PRMT7: variants seen among roughly 807,000 people sequenced by gnomAD.
PRMT7 encodes protein arginine N-methyltransferase 7.
In PRMT7, 75 loss-of-function variants were observed where a neutral mutation model predicts 85.4. The observed-to-expected ratio is 0.88, with a 90% CI of 0.73 to 1.06. PRMT7 has a LOEUF of 1.06. PRMT7 is among the 50% of genes least tolerant of loss of function. The probability of loss-of-function intolerance (pLI) is 0.00; values close to 1 mark genes in which losing one functional copy is unlikely to be tolerated. For synonymous variants in PRMT7, 397 were observed against 359.5 expected (o/e 1.10, Z -1.18); for missense variants, 868 against 915.2 (o/e 0.95, Z 0.67).
At chr16:68,316,276 A>G (rs1267849762) in intron 3 of PRMT7, among the ~76,000 whole-genome samples, 1 of 152,192 alleles carries the variant, frequency 6.6e-6, no homozygotes, top group Non-Finnish European at 1.5e-5. Flanking sequence ...AGAGTCAGAC[A>G]TTATGTAGCA....
At chr16:68,344,933 T>TAC (rs368385265) in intron 9 of PRMT7, among the ~76,000 whole-genome samples, 4,702 of 131,154 alleles carry the variant, frequency 0.036, 125 homozygotes, top group Admixed American at 0.082. Flanking sequence ...CCTGCATCTC[T>TAC]ACACACACAC....
chr16:68,329,561 T>G (rs1166511746), intron 6 of PRMT7: 1 of 160,608 alleles, frequency 6.2e-6, no homozygotes, highest in Non-Finnish European at 1.4e-5. Flanking sequence ...AGAAAGTACT[T>G]AGTTCTTTTA....
intron 9 of PRMT7, among the ~76,000 whole-genome samples, chr16:68,344,127 A>G (rs554322517): frequency 2.6e-5 from 4 of 152,138 alleles, no homozygotes; most frequent in African/African-American, 9.7e-5. Context: ...GCCACTATGC[A>G]TGGCTAATCT....
At chr16:68,318,446 G>A (rs996445048) in intron 3 of PRMT7, among the ~76,000 whole-genome samples, 3 of 152,170 alleles carry the variant, frequency 2.0e-5, no homozygotes, top group Admixed American at 6.6e-5. Context: ...TGATCCGCCC[G>A]CCTCGGCCTC....
chr16:68,331,244 G>A (rs1259904940), intron 6 of PRMT7, among the ~76,000 whole-genome samples: 1 of 151,976 alleles, frequency 6.6e-6, no homozygotes, highest in Non-Finnish European at 1.5e-5. Flanking sequence ...ATAGCGTGAT[G>A]CTGGTAAGAT....
chr16:68,347,297 A>G lies in PRMT7; in HGVS notation c.1275+3A>G. 6.5e-7 allele frequency: 1 copy of G among 1,532,648 alleles called. No individual in the cohort carries two copies. Among genetic ancestry groups the G allele is most frequent in the Non-Finnish European group, 8.8e-7 (1 of 1,134,890 alleles). 94.9% of individuals were successfully genotyped at this position (1,532,648 alleles called of 1,614,324 possible). A position where few individuals can be genotyped will look rare whatever the true frequency, so the allele number is the denominator to read the frequency against. ...CCCATCACCTGGGGGTGGAGCAGGT[A>G]CTGACATGCACCCTTGTCAGCCTCC... On this transcript the variant is annotated splice_donor_region_variant and intron_variant, in intron 12 of 18. Coordinates refer to ENST00000441236, the MANE Select transcript of PRMT7 (RefSeq NM_019023.5).
chr16:68,339,448 G>T lies in PRMT7; in HGVS notation c.631G>T (p.Val211Phe). 2 of 1,614,182 alleles carry T rather than the reference G, an allele frequency of 1.2e-6. No homozygotes were observed. Among genetic ancestry groups the T allele is most frequent in the Non-Finnish European group, 1.7e-6 (2 of 1,180,034 alleles). ...GACCAGCCTCGGAGAGCAGGTCATC[G>T]TCCCTCCCGTTGACGTGGAGAGCTG... is the stretch of plus-strand genomic sequence containing the variant. ...VQTSLGEQVI[V>F]PPVDVESCPG... The change falls in exon 8 of 19, where the codon GTC (valine) becomes TTC (phenylalanine). Residue 211 changes from valine (V) to phenylalanine (F), a missense_variant. Coordinates refer to ENST00000441236, the MANE Select transcript of PRMT7 (RefSeq NM_019023.5).
downstream of PRMT7, chr16:68,358,947 G>T (rs777385839): frequency 1.3e-3 from 192 of 152,694 alleles, no homozygotes; most frequent in Non-Finnish European, 1.6e-3. Context: ...GGAGGTGTGC[G>T]GGGGCCTGGG....
intron 6 of PRMT7, among the ~76,000 whole-genome samples, chr16:68,330,117 C>T (rs1235645152): frequency 6.6e-6 from 1 of 152,064 alleles, no homozygotes; most frequent in African/African-American, 2.4e-5. Context: ...TGGTCTTGAA[C>T]CCCTGACCTC....
At chr16:68,345,872 C>A in intron 10 of PRMT7, 70 bp downstream of exon 10, 1 of 1,592,760 alleles carries the variant, frequency 6.3e-7, no homozygotes, top group Non-Finnish European at 8.6e-7. Context: ...ATTTACAGAT[C>A]CTCTGGAGGT....
intron 2 of PRMT7, 90 bp from the exon 3 acceptor site, chr16:68,315,807 C>T (rs2044664943): frequency 2.1e-5 from 13 of 626,994 alleles, no homozygotes; most frequent in Non-Finnish European, 3.5e-5. Flanking sequence ...CTCCCCTTCC[C>T]CCCTCCACAT....
chr16:68,334,691 C>T (rs2084394136), intron 6 of PRMT7, among the ~76,000 whole-genome samples: 1 of 152,198 alleles, frequency 6.6e-6, no homozygotes, highest in South Asian at 2.1e-4. Flanking sequence ...CTGCTTCAGA[C>T]TCCCCCACCC....
intron 6 of PRMT7, among the ~76,000 whole-genome samples, chr16:68,331,247 G>A (rs1055220899): frequency 1.3e-5 from 2 of 151,850 alleles, no homozygotes; most frequent in African/African-American, 4.8e-5. Flanking sequence ...GCGTGATGCT[G>A]GTAAGATTCT....
At chr16:68,325,349 A>G (rs543368321) in intron 5 of PRMT7, among the ~76,000 whole-genome samples, 1 of 152,302 alleles carries the variant, frequency 6.6e-6, no homozygotes, top group South Asian at 2.1e-4. Flanking sequence ...AATTACTTCT[A>G]CCTTGTTTAA....
intron 6 of PRMT7, among the ~76,000 whole-genome samples, chr16:68,333,807 C>T (rs1221472595): frequency 6.6e-6 from 1 of 152,100 alleles, no homozygotes; most frequent in African/African-American, 2.4e-5. Flanking sequence ...TAGAGTGGCT[C>T]TGTCGCCCAG....
intron 4 of PRMT7, 61 bp from the exon 5 acceptor site, chr16:68,324,622 C>T: frequency 6.3e-7 from 1 of 1,595,234 alleles, no homozygotes; most frequent in Non-Finnish European, 8.6e-7. Context: ...TAGAACTTTG[C>T]AAAGCACCTT....
chr16:68,345,492 C>T (rs1470499433), intron 9 of PRMT7, among the ~76,000 whole-genome samples, 183 bp from the exon 10 acceptor site: 8 of 152,180 alleles, frequency 5.3e-5, no homozygotes, highest in South Asian at 4.1e-4. Context: ...GCAGGGTTCC[C>T]GCAAACTTTT....
chr16:68,318,144 T>C (rs1393651256), intron 3 of PRMT7, among the ~76,000 whole-genome samples: 5 of 152,094 alleles, frequency 3.3e-5, no homozygotes, highest in Non-Finnish European at 1.5e-5. Context: ...AATTGTTTGA[T>C]GATTAAATGT....
At position 68,356,760 on chromosome 16, in the gene PRMT7, C is replaced by T. The variant is rs775894152; in HGVS notation, c.1871C>T (p.Thr624Met). The T allele has an allele frequency of 4.0e-5, 65 of 1,610,958 alleles. No individual in the cohort carries two copies. The highest frequency in any genetic ancestry group is 5.3e-5 in the Non-Finnish European group (62 of 1,179,806). The part of the protein sequence containing the change: ...WMEYHLTPEC[T>M]LSTGLLEPAD... ...GAGTACCACCTGACCCCGGAGTGCA[C>T]GCTCAGCACTGGCCTCCTGGAGCCT... The change falls in exon 18 of 19, where the codon ACG (threonine) becomes ATG (methionine). Residue 624 changes from threonine (T) to methionine (M), a missense_variant. Physicochemically the swap from Thr to Met is moderately conservative, Grantham distance 81 (BLOSUM62 -1). Transcript: ENST00000441236.
Sources: gnomAD v4.1 joint callset for allele counts (sites outside exome capture counted in the v4.1 genomes callset) on GRCh38, gnomAD v4.1.1 for gene constraint, MANE v1.5 for transcripts, NCBI Gene and HGNC (gene_info 2026-07-23, HGNC 2026-07-21) for gene names.